The following LAMA3 variants were observed in gnomAD, a reference collection of about 807,000 sequenced individuals.
The protein encoded by LAMA3 is laminin subunit alpha-3.
Under a neutral mutation model 402.0 loss-of-function variants are expected in LAMA3, and 281 were observed. The ratio of observed to expected loss-of-function variants is 0.70; its 90% CI spans 0.63 to 0.77. The LOEUF (loss-of-function observed/expected upper bound fraction) is 0.77, where lower values mean the gene tolerates loss of function less well. Ranked by LOEUF, LAMA3 falls within the 30% of genes least tolerant of loss-of-function variation. LAMA3 has a pLI of 0.00. For missense variants in LAMA3, 3,840 were observed against 4,215.5 expected (o/e 0.91, Z 2.47); for synonymous variants, 1,431 against 1,558.4 (o/e 0.92, Z 1.93).
intron 11 of LAMA3, 147 bp from the exon 12 acceptor site, chr18:23,783,876 C>T (rs749175934): frequency 2.5e-4 from 274 of 1,081,172 alleles, no homozygotes; most frequent in Non-Finnish European, 3.6e-4. Flanking sequence ...TTCCCTTCAA[C>T]GCAGTGTAGT....
At chr18:23,709,642 T>C (rs540537857) in intron 1 of LAMA3, among the ~76,000 whole-genome samples, 8 of 152,208 alleles carry the variant, frequency 5.3e-5, no homozygotes, top group Non-Finnish European at 8.8e-5. Flanking sequence ...TTGGAAGATA[T>C]GGCTACAGAA....
At chr18:23,704,039 G>A (rs1312014269) in intron 1 of LAMA3, among the ~76,000 whole-genome samples, 1 of 152,186 alleles carries the variant, frequency 6.6e-6, no homozygotes, top group Admixed American at 6.5e-5. Context: ...AGACACCATG[G>A]CCTCCGGAAC....
In LAMA3 at chr18:23,857,836, G is replaced by A. The variant is rs755336584; in HGVS notation, c.4137-8G>A. On this transcript the variant is annotated splice_region_variant and splice_polypyrimidine_tract_variant and intron_variant, in intron 32 of 74. Coordinates refer to ENST00000313654, the MANE Select transcript of LAMA3 (RefSeq NM_198129.4). Reference sequence around the variant, plus strand: ...TGATGATTTTTGCTTCCTTTACTTTGTGTACAGATGCAAGCCCAGAATCAC... The same window carrying A: ...TGATGATTTTTGCTTCCTTTACTTTATGTACAGATGCAAGCCCAGAATCAC... 22 of 1,614,198 alleles carry A rather than the reference G, an allele frequency of 1.4e-5. No homozygotes were observed. The highest frequency in any genetic ancestry group is 1.9e-5 in the Non-Finnish European group (22 of 1,180,022).
chr18:23,740,046 C>G lies in LAMA3; in HGVS notation c.448-7897C>G, dbSNP rs139660500. On this transcript the variant is annotated intron_variant, in intron 2 of 74. Coordinates refer to ENST00000313654, the MANE Select transcript of LAMA3 (RefSeq NM_198129.4). Reference sequence around the variant, plus strand: ...TGTGAATGAGAAAAAGTGAGTTTTACAGGGAGAACCAGGTCCGAGACAAAA... The same window carrying G: ...TGTGAATGAGAAAAAGTGAGTTTTAGAGGGAGAACCAGGTCCGAGACAAAA... 3.3e-3 allele frequency among the ~76,000 whole-genome samples: 496 copies of G among 152,260 alleles called. 2 individuals are homozygous for G. The highest frequency in any genetic ancestry group is 0.011 in the African/African-American group (475 of 41,534).
chr18:23,877,770 G>A (rs752569800), intron 39 of LAMA3, among the ~76,000 whole-genome samples: 3 of 152,202 alleles, frequency 2.0e-5, no homozygotes, highest in African/African-American at 7.2e-5. Flanking sequence ...AATAGTTCAT[G>A]TTTGATATTG....
At chr18:23,831,470 A>G (rs1229744365) in intron 23 of LAMA3, among the ~76,000 whole-genome samples, 2 of 151,656 alleles carry the variant, frequency 1.3e-5, no homozygotes, top group Non-Finnish European at 2.9e-5. Context: ...TCTCTCCCCT[A>G]TGGCCTGGTT....
chr18:23,793,104 G>A (rs1399386945), intron 12 of LAMA3, among the ~76,000 whole-genome samples: 1 of 152,132 alleles, frequency 6.6e-6, no homozygotes, highest in Non-Finnish European at 1.5e-5. Context: ...GAATGGGCAG[G>A]GATAAGCAGG....
chr18:23,904,777 A>G, intron 51 of LAMA3, 83 bp downstream of exon 51: 1 of 1,400,920 alleles, frequency 7.1e-7, no homozygotes, highest in Non-Finnish European at 1.0e-6. Flanking sequence ...GCTCCAAGGA[A>G]TAGAAACAAA....
intron 30 of LAMA3, among the ~76,000 whole-genome samples, chr18:23,845,670 C>T (rs181609868): frequency 2.8e-4 from 42 of 152,338 alleles, no homozygotes; most frequent in Admixed American, 1.4e-3. Context: ...AGCCCAGGTA[C>T]TCCAGAAGCT....
At chr18:23,704,022 G>T (rs2060839169) in intron 1 of LAMA3, among the ~76,000 whole-genome samples, 2 of 152,212 alleles carry the variant, frequency 1.3e-5, no homozygotes, top group Admixed American at 1.3e-4. Flanking sequence ...TTGGGTTTGG[G>T]CACTTGAGAC....
At position 23,842,640 on chromosome 18, in the gene LAMA3, G is replaced by A. The variant is rs777052589; in HGVS notation, c.3493G>A (p.Val1165Met). 2.5e-6 allele frequency: 4 copies of A among 1,614,134 alleles called. No homozygotes were observed. The highest frequency in any genetic ancestry group is 1.7e-5 in the Admixed American group (1 of 60,026). The change falls in exon 29 of 75, where the codon GTG (valine) becomes ATG (methionine). Residue 1165 changes from valine to methionine, a missense_variant. Coordinates refer to ENST00000313654, the MANE Select transcript of LAMA3 (RefSeq NM_198129.4). ...CTTCCATGCCTCTTTTTGCCCCCAT[G>A]TGCTTGGCTGCCGGGATCAAGTGAT... ...GSFHASFCPHVLGCRDQVIAE... is the reference protein window; with the variant it reads ...GSFHASFCPHMLGCRDQVIAE...
chr18:23,773,587 C>A lies in LAMA3; in HGVS notation c.1273C>A (p.Pro425Thr). 1 of 1,569,788 alleles carries A rather than the reference C, an allele frequency of 6.4e-7. No homozygotes were observed. Among genetic ancestry groups the A allele is most frequent in the Non-Finnish European group, 8.7e-7 (1 of 1,151,838 alleles). The change falls in exon 9 of 75, where the codon CCC becomes ACC. Residue 425 changes from proline to threonine, a missense_variant and splice_region_variant. By Grantham distance (38) the Pro-to-Thr change is conservative (BLOSUM62 -1). Transcript: ENST00000313654. ...VPVDAPDGCI[P>T]CSCDPEHADG... ...AGTGGATGCCCCTGATGGCTGCATC[C>A]GTAAGTTTCATTTCAAGTTGGTGTA...
At chr18:23,942,012 C>G (rs890910114) in intron 68 of LAMA3, among the ~76,000 whole-genome samples, 4 of 152,190 alleles carry the variant, frequency 2.6e-5, no homozygotes, top group Non-Finnish European at 5.9e-5. Flanking sequence ...ATAGATTTCT[C>G]TTTCGTTTTG....
intron 12 of LAMA3, among the ~76,000 whole-genome samples, chr18:23,807,903 C>T (rs968622041): frequency 1.3e-5 from 2 of 152,182 alleles, no homozygotes; most frequent in Non-Finnish European, 2.9e-5. Flanking sequence ...CAGAATTCTA[C>T]CACTAGGTAG....
chr18:23,907,709 G>A (rs2081295053), intron 53 of LAMA3, 43 bp downstream of exon 53: 2 of 1,613,324 alleles, frequency 1.2e-6, no homozygotes, highest in Non-Finnish European at 1.7e-6. Context: ...GGCTTCTTTT[G>A]TTGAACGTTT....
At chr18:23,937,356 A>C in intron 67 of LAMA3, among the ~76,000 whole-genome samples, 1 of 132,662 alleles carries the variant, frequency 7.5e-6, no homozygotes, top group South Asian at 2.6e-4. Context: ...ACAGAGTGAG[A>C]CTCCTTCTCA....
At chr18:23,914,112 T>C (rs1456451647) in intron 56 of LAMA3, among the ~76,000 whole-genome samples, 2 of 152,188 alleles carry the variant, frequency 1.3e-5, no homozygotes, top group Admixed American at 6.5e-5. Flanking sequence ...CTAAAATCTG[T>C]TGGACGGCTG....
intron 20 of LAMA3, among the ~76,000 whole-genome samples, chr18:23,823,986 T>G (rs900219288): frequency 6.6e-6 from 1 of 152,142 alleles, no homozygotes; most frequent in African/African-American, 2.4e-5. Flanking sequence ...TGTCATGAGC[T>G]ATGATGGCAT....
At chr18:23,924,931 C>T (rs2081961499) in intron 62 of LAMA3, among the ~76,000 whole-genome samples, 1 of 152,230 alleles carries the variant, frequency 6.6e-6, no homozygotes, top group African/African-American at 2.4e-5. Context: ...CCTTCACTCC[C>T]TCTAAAGCAA....
Sources: gnomAD v4.1 joint callset for allele counts (sites outside exome capture counted in the v4.1 genomes callset) on GRCh38, gnomAD v4.1.1 for gene constraint, MANE v1.5 for transcripts, NCBI Gene and HGNC (gene_info 2026-07-23, HGNC 2026-07-21) for gene names.